CFAP99: variants seen among roughly 807,000 people sequenced by gnomAD.
The protein encoded by CFAP99 is cilia- and flagella-associated protein 99.
A neutral mutation model predicts 82.7 loss-of-function variants in CFAP99; 84 were observed. That is an observed-to-expected ratio of 1.02 (90% CI 0.85 to 1.22). The LOEUF (loss-of-function observed/expected upper bound fraction) is 1.22, where lower values mean the gene tolerates loss of function less well. Among genes scored for constraint, CFAP99 ranks in the 50% most tolerant of loss-of-function variants. The pLI is 0.00. For missense variants in CFAP99, 1,059 were observed against 983.5 expected (o/e 1.08, Z -1.03); for synonymous variants, 456 against 429.5 (o/e 1.06, Z -0.76).
intron 4 of CFAP99, among the ~76,000 whole-genome samples, chr4:2,440,873 C>T (rs1237482144): frequency 1.3e-5 from 2 of 151,870 alleles, no homozygotes; most frequent in African/African-American, 4.8e-5. Context: ...GGATTACAGG[C>T]GTCAGCCACC....
At chr4:2,457,192 C>G (rs1480394103) in intron 11 of CFAP99, among the ~76,000 whole-genome samples, 1 of 152,104 alleles carries the variant, frequency 6.6e-6, no homozygotes, top group Non-Finnish European at 1.5e-5. Context: ...ATCCTCCCCC[C>G]TCAGCTTCCC....
At chr4:2,422,918 C>A (rs2108706780) in intron 1 of CFAP99, among the ~76,000 whole-genome samples, 1 of 152,348 alleles carries the variant, frequency 6.6e-6, no homozygotes, top group Admixed American at 6.5e-5. Flanking sequence ...GGGATCCTCC[C>A]ACCTCAGCCC....
chr4:2,452,745 T>C (rs533187823), intron 11 of CFAP99, among the ~76,000 whole-genome samples: 2 of 152,222 alleles, frequency 1.3e-5, no homozygotes, highest in African/African-American at 4.8e-5. Flanking sequence ...TTGCCTTTTC[T>C]TTCCTTTTTA....
chr4:2,436,774 G>A (rs1403243798), intron 2 of CFAP99, 100 bp from the exon 3 acceptor site: 9 of 973,160 alleles, frequency 9.2e-6, no homozygotes, highest in East Asian at 2.6e-5. Context: ...TTGCAGCCCC[G>A]GGGCCGCTCC....
At chr4:2,447,929 GTGGATGGA>G (rs58535148) in intron 6 of CFAP99, among the ~76,000 whole-genome samples, 33,531 of 139,516 alleles carry the variant, frequency 0.24, 4,024 homozygotes, top group South Asian at 0.32. Flanking sequence ...GAATGGATGG[GTGGATGGA>G]TGGATGGATG....
intron 4 of CFAP99, among the ~76,000 whole-genome samples, 182 bp downstream of exon 4, chr4:2,438,346 T>G (rs1490187712): frequency 6.6e-6 from 1 of 152,172 alleles, no homozygotes; most frequent in Non-Finnish European, 1.5e-5. Context: ...CACTGCAAAC[T>G]CTGCCTCCCG....
At chr4:2,438,256 T>TTTTG (rs202190251) in intron 4 of CFAP99, 92 bp downstream of exon 4, 96 of 772,522 alleles carry the variant, frequency 1.2e-4, no homozygotes, top group South Asian at 5.2e-4. Flanking sequence ...GGTTGGGTTG[T>TTTTG]TTTGTTTGTT....
intron 2 of CFAP99, among the ~76,000 whole-genome samples, chr4:2,430,670 G>A (rs1733781544): frequency 6.6e-6 from 1 of 152,236 alleles, no homozygotes; most frequent in South Asian, 2.1e-4. Context: ...AGGCATGGTG[G>A]CACGTACCTA....
intron 6 of CFAP99, among the ~76,000 whole-genome samples, 192 bp downstream of exon 6, chr4:2,445,500 A>G (rs1375269560): frequency 6.6e-6 from 1 of 151,852 alleles, no homozygotes; most frequent in African/African-American, 2.4e-5. Context: ...GCTGACCCGG[A>G]GCCCACCCAG....
intron 6 of CFAP99, among the ~76,000 whole-genome samples, chr4:2,447,265 G>A (rs1484673083): frequency 6.6e-6 from 1 of 151,162 alleles, no homozygotes; most frequent in Non-Finnish European, 1.5e-5. Flanking sequence ...TGACTGGATG[G>A]ATGGATGGAT....
chr4:2,460,240 G>A (rs554631738), exon 14 of CFAP99: 1 of 1,536,136 alleles, frequency 6.5e-7, no homozygotes, highest in Non-Finnish European at 8.7e-7. Flanking sequence ...CCGCAGCCTT[G>A]AGGTTGGTAC....
At chr4:2,441,678 C>A (rs1734044757) in intron 4 of CFAP99, among the ~76,000 whole-genome samples, 1 of 152,238 alleles carries the variant, frequency 6.6e-6, no homozygotes, top group East Asian at 1.9e-4. Flanking sequence ...GCCCAGGAGA[C>A]TGCCTCCCTC....
intron 2 of CFAP99, among the ~76,000 whole-genome samples, chr4:2,430,144 C>G (rs879779471): frequency 2.1e-5 from 3 of 142,762 alleles, no homozygotes; most frequent in Admixed American, 6.9e-5. Context: ...ACGGCAGACT[C>G]CGGACAGCGG....
At chr4:2,420,795 G>A (rs897918083) in intron 1 of CFAP99, among the ~76,000 whole-genome samples, 8 of 152,272 alleles carry the variant, frequency 5.3e-5, no homozygotes, top group African/African-American at 9.6e-5. Context: ...TGCCATTCAC[G>A]TTTCTTCATG....
chr4:2,460,099 G>A, exon 14 of CFAP99: 1 of 1,536,090 alleles, frequency 6.5e-7, no homozygotes, highest in Non-Finnish European at 8.7e-7. Context: ...GGCTGGCCCT[G>A]CTCAAAGAGA....
exon 3 of CFAP99, chr4:2,436,960 T>A (rs1733927038): frequency 2.0e-5 from 30 of 1,536,086 alleles, no homozygotes; most frequent in Non-Finnish European, 2.6e-5. Context: ...TCGTGGTGGA[T>A]GCCTTCTACG....
intron 4 of CFAP99, among the ~76,000 whole-genome samples, chr4:2,442,444 C>T (rs1734064588): frequency 6.6e-6 from 1 of 151,998 alleles, no homozygotes; most frequent in African/African-American, 2.4e-5. Context: ...CGAGGGGAGG[C>T]TGCTGGGGAG....
At chr4:2,450,094 CTTATGTA>C in intron 8 of CFAP99, 89 bp downstream of exon 8, 8 of 1,285,182 alleles carry the variant, frequency 6.2e-6, no homozygotes, top group Non-Finnish European at 8.7e-6. Flanking sequence ...GCAGTGACCA[CTTATGTA>C]GCCTTTTCCC....
intron 4 of CFAP99, among the ~76,000 whole-genome samples, 198 bp from the exon 5 acceptor site, chr4:2,442,932 G>A (rs1476418082): frequency 9.7e-6 from 1 of 103,348 alleles, no homozygotes; most frequent in Non-Finnish European, 2.0e-5. Context: ...GGGGTGCTGG[G>A]GGCCTTGGGG....
Sources: allele counts gnomAD v4.1 joint callset (sites outside exome capture counted in the v4.1 genomes callset), GRCh38; gene constraint gnomAD v4.1.1; transcripts MANE v1.5; gene names NCBI Gene and HGNC (gene_info 2026-07-23, HGNC 2026-07-21).